Variants in ST13 observed in about 807,000 individuals in gnomAD.
ST13 encodes the protein hsc70-interacting protein.
A neutral mutation model predicts 56.7 loss-of-function variants in ST13; 23 were observed. The observed-to-expected ratio is 0.41, with a 90% CI of 0.29 to 0.57. ST13 has a LOEUF of 0.57. ST13 is among the 20% of genes least tolerant of loss of function. The pLI is 0.36. For synonymous variants in ST13, 132 were observed against 142.4 expected, an observed-to-expected ratio of 0.93 and a Z score of 0.52; for missense variants, 369 against 459.9, an observed-to-expected ratio of 0.80 and a Z score of 1.81.
At chr22:40,852,992 C>G (rs899752512) in intron 1 of ST13, among the ~76,000 whole-genome samples, 2 of 152,128 alleles carry the variant, frequency 1.3e-5, no homozygotes, top group African/African-American at 4.8e-5. Context: ...ATGTATTAAG[C>G]TAAATCCAAT....
chr22:40,841,660 G>A (rs1298251524), intron 4 of ST13, among the ~76,000 whole-genome samples: 1 of 152,140 alleles, frequency 6.6e-6, no homozygotes, highest in Non-Finnish European at 1.5e-5. Context: ...AAGCTCCGGT[G>A]CAGTGGTGCA....
At chr22:40,852,147 A>G (rs903328856) in intron 1 of ST13, among the ~76,000 whole-genome samples, 2 of 152,192 alleles carry the variant, frequency 1.3e-5, no homozygotes, top group African/African-American at 4.8e-5. Flanking sequence ...AATGGGCATC[A>G]GTTTTCTGAA....
chr22:40,854,127 A>G (rs751931365), intron 1 of ST13, among the ~76,000 whole-genome samples: 6 of 152,170 alleles, frequency 3.9e-5, no homozygotes, highest in Non-Finnish European at 8.8e-5. Flanking sequence ...CCTGTGAGAA[A>G]CACATGTTTT....
chr22:40,845,648 C>T (rs1258258659), intron 3 of ST13, among the ~76,000 whole-genome samples: 1 of 151,964 alleles, frequency 6.6e-6, no homozygotes, highest in African/African-American at 2.4e-5. Context: ...CAGTATCTTG[C>T]TTTTCAAATT....
chr22:40,834,797 T>C (rs1460421067), intron 7 of ST13, among the ~76,000 whole-genome samples: 1 of 152,278 alleles, frequency 6.6e-6, no homozygotes, highest in Non-Finnish European at 1.5e-5. Flanking sequence ...GCATGGGCTT[T>C]TCCTGTGCTG....
intron 4 of ST13, among the ~76,000 whole-genome samples, chr22:40,841,656 C>T (rs1035050179): frequency 2.0e-5 from 3 of 152,096 alleles, no homozygotes; most frequent in Non-Finnish European, 2.9e-5. Context: ...ACCCAAGCTC[C>T]GGTGCAGTGG....
chr22:40,847,072 C>A (rs556684416), intron 3 of ST13, among the ~76,000 whole-genome samples: 5 of 152,198 alleles, frequency 3.3e-5, no homozygotes, highest in Admixed American at 3.3e-4. Flanking sequence ...TCTTCAGGTT[C>A]TGTGATATAA....
intron 3 of ST13, among the ~76,000 whole-genome samples, chr22:40,847,862 CA>C (rs887860710): frequency 5.9e-5 from 9 of 152,142 alleles, no homozygotes; most frequent in African/African-American, 2.2e-4. Flanking sequence ...GCCTTGCCAA[CA>C]TGGTGAAAGC....
chr22:40,826,803 G>A (rs577542104), intron 11 of ST13, 137 bp from the exon 12 acceptor site: 15 of 1,039,938 alleles, frequency 1.4e-5, no homozygotes, highest in Non-Finnish European at 1.9e-5. Flanking sequence ...AGTGCTTGAA[G>A]TATCAAAATC....
Position 40,827,173 on chromosome 22 carries a change from C to T in ST13, c.904G>A (p.Gly302Arg). The T allele has an allele frequency of 6.2e-7, 1 of 1,613,016 alleles. No homozygotes were observed. The highest frequency in any genetic ancestry group is 8.5e-7 in the Non-Finnish European group (1 of 1,180,000). Residue 302 changes from glycine to arginine, a missense_variant, in exon 11 of 12, where the codon GGG (glycine) becomes AGG (arginine). Physicochemically the swap from Gly to Arg is moderately radical, Grantham distance 125. Coordinates refer to ENST00000216218, the MANE Select transcript of ST13 (RefSeq NM_003932.5). ...ATTCCAGCCATTCCAGGCATGCCCC[C>T]TCCCATTCCAGGCATTCCTCCGGGA... is the stretch of plus-strand genomic sequence containing the variant. ...NFPGGMPGMG[G>R]GMPGMAGMPG...
Position 40,850,681 on chromosome 22 carries a change from A to G in ST13, c.168+142T>C. 5 of 642,538 alleles carry G rather than the reference A, an allele frequency of 7.8e-6. No individual in the cohort carries two copies. The South Asian group carries it at 1.0e-4, about 13-fold the overall frequency. The allele number at this position is 642,538 out of a possible 1,614,324, so 39.8% of individuals were successfully genotyped here. Reference sequence around the variant, plus strand: ...AATTCGGGTCTACAAAGTTATAAAGATAAAGAGGTCTTAAAAGGTCTTATT... The same window carrying G: ...AATTCGGGTCTACAAAGTTATAAAGGTAAAGAGGTCTTAAAAGGTCTTATT... On this transcript the variant is annotated intron_variant, in intron 2 of 11. Transcript: ENST00000216218.
chr22:40,847,787 G>T (rs955551893), intron 3 of ST13, among the ~76,000 whole-genome samples: 6 of 151,920 alleles, frequency 3.9e-5, no homozygotes, highest in African/African-American at 9.7e-5. Context: ...AGTGGCTCAC[G>T]CCTGTAATCT....
chr22:40,856,007 G>A (rs1027081926), intron 1 of ST13, among the ~76,000 whole-genome samples: 1 of 152,078 alleles, frequency 6.6e-6, no homozygotes, highest in African/African-American at 2.4e-5. Context: ...ACTTACTAGT[G>A]TTATATTATT....
chr22:40,844,808 A>G (rs1399513644), intron 4 of ST13, 31 bp downstream of exon 4: 1 of 1,575,658 alleles, frequency 6.3e-7, no homozygotes, highest in South Asian at 1.1e-5. Flanking sequence ...CATTTCTTAG[A>G]ACAAGCAGGA....
chr22:40,825,424 A>T lies in ST13; in HGVS notation c.*1114T>A, dbSNP rs1235046272. 1 of 152,192 alleles carries T rather than the reference A, an allele frequency of 6.6e-6. No homozygotes were observed. Among genetic ancestry groups the T allele is most frequent in the Non-Finnish European group, 1.5e-5 (1 of 68,046 alleles). 9.4% of individuals were successfully genotyped at this position (152,192 alleles called of 1,614,324 possible). ...AATAGGTTTTTCTAAGTAGAAGACCAAACACCAAAGGGAATCCCTCTTTCC... is the reference window on the plus strand; with the variant it reads ...AATAGGTTTTTCTAAGTAGAAGACCTAACACCAAAGGGAATCCCTCTTTCC... On this transcript the variant is annotated 3_prime_UTR_variant, in exon 12 of 12. Coordinates refer to ENST00000216218, the MANE Select transcript of ST13 (RefSeq NM_003932.5).
Position 40,835,838 on chromosome 22 carries a change from A to G in ST13, c.432T>C (p.Asn144=). The G allele has an allele frequency of 6.2e-7, 1 of 1,613,730 alleles. No homozygotes were observed. The highest frequency in any genetic ancestry group is 1.1e-5 in the South Asian group (1 of 91,040). Residue 144 remains asparagine, a synonymous_variant, in exon 6 of 12, where the codon AAT becomes AAC. Coordinates refer to ENST00000216218, the MANE Select transcript of ST13 (RefSeq NM_003932.5). The part of the protein sequence containing the change: ...IDLFTDAIKL[N]PRLAILYAKR... ...TGGCATACAAAATGGCCAAGCGAGG[A>G]TTCAGCTTGATGGCATCTGTGAATA... is the stretch of plus-strand genomic sequence containing the variant.
chr22:40,840,696 G>A lies in ST13; in HGVS notation c.316-4C>T. Reference sequence around the variant, plus strand: ...GATCCATCATCTCCTCCGTTATCTAGGAAGAAAATAAAAATCATCTTAGAA... The same window carrying A: ...GATCCATCATCTCCTCCGTTATCTAAGAAGAAAATAAAAATCATCTTAGAA... On this transcript the variant is annotated splice_region_variant and splice_polypyrimidine_tract_variant and intron_variant, in intron 4 of 11. Transcript: ENST00000216218. 3.1e-6 allele frequency: 5 copies of A among 1,603,998 alleles called. No individual in the cohort carries two copies. Among genetic ancestry groups the A allele is most frequent in the South Asian group, 1.1e-5 (1 of 89,180 alleles).
chr22:40,847,000 A>G (rs779006531), intron 3 of ST13, among the ~76,000 whole-genome samples: 4 of 152,118 alleles, frequency 2.6e-5, no homozygotes, highest in Non-Finnish European at 5.9e-5. Context: ...AGTCTTCCAA[A>G]AAAACCCCAA....
intron 3 of ST13, among the ~76,000 whole-genome samples, chr22:40,848,022 G>A (rs2057841302): frequency 6.6e-6 from 1 of 152,022 alleles, no homozygotes; most frequent in African/African-American, 2.4e-5. Flanking sequence ...ACTCCAGTCT[G>A]GGTGACAAGA....
Sources: allele counts gnomAD v4.1 joint callset (sites outside exome capture counted in the v4.1 genomes callset), GRCh38; gene constraint gnomAD v4.1.1; transcripts MANE v1.5; gene names NCBI Gene and HGNC (gene_info 2026-07-23, HGNC 2026-07-21).